The following SDK1 variants were observed in gnomAD, a reference collection of about 807,000 sequenced individuals.
SDK1 encodes sidekick cell adhesion molecule 1, also known as protein sidekick-1.
Under a neutral mutation model 245.5 loss-of-function variants are expected in SDK1, and 157 were observed. The observed-to-expected ratio is 0.64, with a 90% CI of 0.56 to 0.73. SDK1 has a LOEUF of 0.73. Ranked by LOEUF, SDK1 falls within the 30% of genes least tolerant of loss-of-function variation. The probability of loss-of-function intolerance (pLI) is 0.00; values close to 1 mark genes in which losing one functional copy is unlikely to be tolerated. For missense variants in SDK1, 3,583 were observed against 3,002.3 expected (o/e 1.19, Z -4.52); for synonymous variants, 1,647 against 1,278.5 (o/e 1.29, Z -6.15).
At chr7:3,329,390 A>G (rs963735362) in intron 1 of SDK1, among the ~76,000 whole-genome samples, 2 of 152,196 alleles carry the variant, frequency 1.3e-5, no homozygotes, top group Non-Finnish European at 2.9e-5. Context: ...CACCTACCAT[A>G]TAATTCATCT....
chr7:3,524,172 C>G (rs73035954), intron 1 of SDK1, among the ~76,000 whole-genome samples: 3 of 151,962 alleles, frequency 2.0e-5, no homozygotes, highest in Non-Finnish European at 2.9e-5. Flanking sequence ...AAGAAACACC[C>G]GCATTAATTG....
At chr7:3,600,551 G>C (rs368248776) in intron 1 of SDK1, among the ~76,000 whole-genome samples, 1 of 109,054 alleles carries the variant, frequency 9.2e-6, no homozygotes, top group Non-Finnish European at 1.9e-5. Flanking sequence ...ATTAGATGTA[G>C]TTTTTTTTTT....
intron 22 of SDK1, among the ~76,000 whole-genome samples, chr7:4,084,685 T>C (rs145955157): frequency 1.6e-5 from 2 of 124,478 alleles, no homozygotes; most frequent in Non-Finnish European, 3.4e-5. Flanking sequence ...CGTTATGTTA[T>C]GTTATGTTAT....
At chr7:3,619,322 G>C (rs773080081) in intron 2 of SDK1, 83 bp downstream of exon 2, 58 of 1,155,908 alleles carry the variant, frequency 5.0e-5, no homozygotes, top group Non-Finnish European at 7.1e-5. Context: ...ATAGCACAAT[G>C]AGTGAAAATA....
chr7:3,715,428 A>T (rs1038169326), intron 4 of SDK1, among the ~76,000 whole-genome samples: 2 of 152,182 alleles, frequency 1.3e-5, no homozygotes, highest in African/African-American at 4.8e-5. Context: ...AGCCACCAGC[A>T]ACTGATAGCC....
At chr7:3,589,677 C>G (rs1445716389) in intron 1 of SDK1, among the ~76,000 whole-genome samples, 2 of 152,204 alleles carry the variant, frequency 1.3e-5, no homozygotes, top group East Asian at 1.9e-4. Context: ...AGGAACTGCC[C>G]TTTATAAAAC....
In SDK1 at chr7:4,002,210, C is replaced by T. The variant is rs201268518; in HGVS notation, c.2132-8756C>T. ...CTGACTAGACCAAGAGAAGCTTTTTCGTAGCCCTGGCTGTGCCCGTCTCTG... is the reference window on the plus strand; with the variant it reads ...CTGACTAGACCAAGAGAAGCTTTTTTGTAGCCCTGGCTGTGCCCGTCTCTG... On this transcript the variant is annotated intron_variant, in intron 14 of 44. Coordinates refer to ENST00000404826, the MANE Select transcript of SDK1 (RefSeq NM_152744.4). 4.6e-5 allele frequency among the ~76,000 whole-genome samples: 7 copies of T among 151,240 alleles called. No homozygotes were observed. In the East Asian group the frequency reaches 9.8e-4, roughly 21 times the overall value.
chr7:3,803,922 G>A (rs1240932766), intron 4 of SDK1, among the ~76,000 whole-genome samples: 7 of 151,388 alleles, frequency 4.6e-5, no homozygotes, highest in African/African-American at 7.3e-5. Context: ...CCGCCACCAC[G>A]CCTGGTTAAT....
chr7:4,255,398 C>A (rs1387558126), intron 44 of SDK1, among the ~76,000 whole-genome samples: 9 of 152,224 alleles, frequency 5.9e-5, no homozygotes, highest in Admixed American at 2.6e-4. Context: ...TAGCCTTCTT[C>A]TTCCATAGTG....
intron 5 of SDK1, among the ~76,000 whole-genome samples, chr7:3,878,093 G>C (rs927763885): frequency 1.3e-5 from 2 of 152,210 alleles, no homozygotes; most frequent in African/African-American, 4.8e-5. Flanking sequence ...CCCTGTCTCT[G>C]CATTTAAAAG....
chr7:4,141,709 A>C (rs1006561164), intron 28 of SDK1, among the ~76,000 whole-genome samples: 1 of 152,210 alleles, frequency 6.6e-6, no homozygotes, highest in South Asian at 2.1e-4. Flanking sequence ...CCAGGCCTCC[A>C]AGCATCTTCC....
At chr7:3,499,769 TGGAAGTTAGTGGCCAAG>T (rs1227040447) in intron 1 of SDK1, among the ~76,000 whole-genome samples, 1 of 152,020 alleles carries the variant, frequency 6.6e-6, no homozygotes, top group African/African-American at 2.4e-5. Flanking sequence ...GCCCCTTCTG[TGGAAGTTAGTGGCCAAG>T]GGCAAGAATG....
At chr7:4,114,492 C>T (rs1783569804) in intron 25 of SDK1, among the ~76,000 whole-genome samples, 1 of 152,130 alleles carries the variant, frequency 6.6e-6, no homozygotes, top group Non-Finnish European at 1.5e-5. Flanking sequence ...GTGATGATTT[C>T]CAACAGGGGA....
At chr7:3,518,808 G>C (rs1037512399) in intron 1 of SDK1, among the ~76,000 whole-genome samples, 1 of 152,078 alleles carries the variant, frequency 6.6e-6, no homozygotes, top group Non-Finnish European at 1.5e-5. Flanking sequence ...TTTATCCAGA[G>C]GAAAGGAAAT....
At chr7:3,614,382 G>C (rs1458120852) in intron 1 of SDK1, among the ~76,000 whole-genome samples, 4 of 152,116 alleles carry the variant, frequency 2.6e-5, no homozygotes, top group African/African-American at 9.7e-5. Context: ...CCTGAGGAAG[G>C]GAATGTCTAT....
At chr7:4,061,390 A>G (rs188393648) in intron 19 of SDK1, among the ~76,000 whole-genome samples, 499 of 152,318 alleles carry the variant, frequency 3.3e-3, no homozygotes, top group Non-Finnish European at 5.1e-3. Context: ...AATGCTCACC[A>G]TCACTGGCCA....
At chr7:3,980,904 C>CACT (rs1783350041) in intron 13 of SDK1, among the ~76,000 whole-genome samples, 1 of 151,288 alleles carries the variant, frequency 6.6e-6, no homozygotes, top group South Asian at 2.1e-4. Context: ...TGCACCACTG[C>CACT]ACTCCAGCCT....
chr7:4,187,832 G>C (rs1382338617), intron 35 of SDK1, among the ~76,000 whole-genome samples: 1 of 152,192 alleles, frequency 6.6e-6, no homozygotes, highest in Non-Finnish European at 1.5e-5. Context: ...GCCTTCTTCA[G>C]TCTCAACTGT....
At chr7:3,749,956 G>A (rs1049901326) in intron 4 of SDK1, among the ~76,000 whole-genome samples, 1 of 152,176 alleles carries the variant, frequency 6.6e-6, no homozygotes, top group Non-Finnish European at 1.5e-5. Flanking sequence ...ATGAGCTCTT[G>A]TTAGAATCTG....
Sources: gnomAD v4.1 joint callset for allele counts (sites outside exome capture counted in the v4.1 genomes callset) on GRCh38, gnomAD v4.1.1 for gene constraint, MANE v1.5 for transcripts, NCBI Gene and HGNC (gene_info 2026-07-23, HGNC 2026-07-21) for gene names.